The following CTNNA3 variants were observed in gnomAD, a reference collection of about 807,000 sequenced individuals.
CTNNA3 encodes catenin alpha-3.
A neutral mutation model predicts 95.7 loss-of-function variants in CTNNA3; 76 were observed. That is an observed-to-expected ratio of 0.79 (90% CI 0.66 to 0.96). The LOEUF (loss-of-function observed/expected upper bound fraction) is 0.96, where lower values mean the gene tolerates loss of function less well. Among genes scored for constraint, CTNNA3 ranks in the 40% least tolerant of loss-of-function variants. The probability of loss-of-function intolerance (pLI) is 0.00; values close to 1 mark genes in which losing one functional copy is unlikely to be tolerated. For missense variants in CTNNA3, 1,191 were observed against 1,089.8 expected (o/e 1.09, Z -1.31); for synonymous variants, 431 against 374.4 (o/e 1.15, Z -1.74).
chr10:67,069,747 A>C (rs1454152031), intron 7 of CTNNA3, among the ~76,000 whole-genome samples: 1 of 152,138 alleles, frequency 6.6e-6, no homozygotes, highest in African/African-American at 2.4e-5. Context: ...ATTGTTATAC[A>C]TGGCTGATAT....
intron 10 of CTNNA3, among the ~76,000 whole-genome samples, chr10:66,564,160 A>G (rs1210130454): frequency 2.0e-5 from 3 of 152,146 alleles, no homozygotes; most frequent in Non-Finnish European, 4.4e-5. Context: ...TAATCGATAC[A>G]GTTTTATGCG....
At chr10:67,269,120 A>T (rs1838841976) in intron 5 of CTNNA3, among the ~76,000 whole-genome samples, 1 of 152,216 alleles carries the variant, frequency 6.6e-6, no homozygotes, top group Non-Finnish European at 1.5e-5. Context: ...TCAGGGGAGT[A>T]GTAAAAAATA....
At chr10:66,841,826 C>A (rs571047566) in intron 7 of CTNNA3, among the ~76,000 whole-genome samples, 4 of 152,122 alleles carry the variant, frequency 2.6e-5, no homozygotes, top group Admixed American at 2.6e-4. Flanking sequence ...CTTACACAAA[C>A]AAATATAAAG....
chr10:67,582,981 A>G (rs1474799942), intron 3 of CTNNA3, among the ~76,000 whole-genome samples: 3 of 152,026 alleles, frequency 2.0e-5, no homozygotes, highest in Non-Finnish European at 2.9e-5. Context: ...TTTCCTGAAT[A>G]CAGCACACTG....
In CTNNA3 at chr10:66,100,441, G is replaced by A. The variant is rs546054355; in HGVS notation, c.1977+2716C>T. 2.0e-4 allele frequency among the ~76,000 whole-genome samples: 31 copies of A among 152,292 alleles called. No homozygotes were observed. In the South Asian group the frequency reaches 4.8e-3, roughly 23 times the overall value. On this transcript the variant is annotated intron_variant, in intron 14 of 17. Transcript: ENST00000433211. ...GGATTTATGCAGAGGATATTTATAA[G>A]AGCAGAGAGTAGCCAGGTTGAATAT...
In CTNNA3 at chr10:67,632,929, C is replaced by T. The variant is rs980771930; in HGVS notation, c.99+14486G>A. On this transcript the variant is annotated intron_variant, in intron 2 of 17. Coordinates refer to ENST00000433211, the MANE Select transcript of CTNNA3 (RefSeq NM_013266.4). ...CCCACAGCACCCCACAAGTTAAGAC[C>T]CACTGATTGGAATTCCAGCCAGCCA... 5.3e-5 allele frequency among the ~76,000 whole-genome samples: 8 copies of T among 152,282 alleles called. No homozygotes were observed. In the East Asian group the frequency reaches 1.5e-3, roughly 29 times the overall value.
At chr10:66,407,336 C>A (rs993965173) in intron 11 of CTNNA3, among the ~76,000 whole-genome samples, 1 of 149,526 alleles carries the variant, frequency 6.7e-6, no homozygotes, top group African/African-American at 2.6e-5. Context: ...TGCCACTCCA[C>A]TTTTAAAGCA....
chr10:67,246,885 C>T (rs576694891), intron 5 of CTNNA3, among the ~76,000 whole-genome samples: 36 of 152,206 alleles, frequency 2.4e-4, no homozygotes, highest in African/African-American at 7.7e-4. Flanking sequence ...TCTAATTGTC[C>T]GGCTTATGTT....
intron 13 of CTNNA3, among the ~76,000 whole-genome samples, chr10:66,199,957 T>C (rs117627541): frequency 0.018 from 2,698 of 149,576 alleles, 38 homozygotes; most frequent in Non-Finnish European, 0.027. Context: ...CAGCCAATAG[T>C]TATCTTTTTA....
At chr10:66,511,259 T>G (rs1303060493) in intron 11 of CTNNA3, among the ~76,000 whole-genome samples, 1 of 151,842 alleles carries the variant, frequency 6.6e-6, no homozygotes, top group Non-Finnish European at 1.5e-5. Context: ...TGATATTATT[T>G]ATTTAGGTCT....
intron 9 of CTNNA3, among the ~76,000 whole-genome samples, chr10:66,708,506 G>C (rs1848191098): frequency 6.6e-6 from 1 of 151,872 alleles, no homozygotes; most frequent in Admixed American, 6.6e-5. Context: ...GTCTCATTTT[G>C]TCTCAATTAC....
chr10:65,957,633 C>A (rs561918340), intron 17 of CTNNA3, among the ~76,000 whole-genome samples: 2 of 152,194 alleles, frequency 1.3e-5, no homozygotes, highest in Admixed American at 6.5e-5. Flanking sequence ...GGATTTTATA[C>A]CTCCTTCACT....
chr10:66,667,427 C>A (rs1231866234), intron 9 of CTNNA3, among the ~76,000 whole-genome samples: 3 of 152,134 alleles, frequency 2.0e-5, no homozygotes, highest in Non-Finnish European at 4.4e-5. Context: ...TATTGTCCCG[C>A]ACACAACTTT....
chr10:67,225,994 G>T (rs1358758270), intron 5 of CTNNA3, among the ~76,000 whole-genome samples: 1 of 152,088 alleles, frequency 6.6e-6, no homozygotes, highest in Admixed American at 6.5e-5. Context: ...AGTGAAGGGA[G>T]AAATATTCAA....
At chr10:67,705,449 TA>T (rs1458658939) in intron 1 of CTNNA3, among the ~76,000 whole-genome samples, 2 of 148,556 alleles carry the variant, frequency 1.3e-5, no homozygotes, top group Non-Finnish European at 3.0e-5. Context: ...TATGCAGCCA[TA>T]AAAAATGATG....
intron 3 of CTNNA3, among the ~76,000 whole-genome samples, chr10:67,599,343 A>G (rs977933586): frequency 3.5e-4 from 53 of 152,340 alleles, no homozygotes; most frequent in African/African-American, 1.2e-3. Flanking sequence ...TATGCTGTCA[A>G]GTATATAACC....
chr10:67,413,525 T>C (rs1312110587), intron 5 of CTNNA3, among the ~76,000 whole-genome samples: 3 of 151,968 alleles, frequency 2.0e-5, no homozygotes, highest in Non-Finnish European at 4.4e-5. Context: ...CTGACAACAT[T>C]AGATCATCAA....
chr10:66,830,238 A>G (rs745888705), intron 7 of CTNNA3, among the ~76,000 whole-genome samples: 1 of 152,198 alleles, frequency 6.6e-6, no homozygotes, highest in Non-Finnish European at 1.5e-5. Flanking sequence ...ATACTTTTGT[A>G]GTTTCTGATT....
chr10:66,200,433 C>A (rs998128251), intron 13 of CTNNA3, among the ~76,000 whole-genome samples: 1 of 152,168 alleles, frequency 6.6e-6, no homozygotes, highest in African/African-American at 2.4e-5. Flanking sequence ...ACCGCCAGTT[C>A]TTGCAAGGGT....
Sources: allele counts gnomAD v4.1 joint callset (sites outside exome capture counted in the v4.1 genomes callset), GRCh38; gene constraint gnomAD v4.1.1; transcripts MANE v1.5; gene names NCBI Gene and HGNC (gene_info 2026-07-23, HGNC 2026-07-21).